The following PTCHD4 variants were observed in gnomAD, a reference collection of about 807,000 sequenced individuals.
PTCHD4 encodes the protein patched domain-containing protein 4.
PTCHD4 carries 33 observed loss-of-function variants against 58.1 expected under a neutral mutation model. The ratio of observed to expected loss-of-function variants is 0.57; its 90% confidence interval spans 0.43 to 0.76. PTCHD4 has a LOEUF of 0.76. Among genes scored for constraint, PTCHD4 ranks in the 30% least tolerant of loss-of-function variants. The pLI, the probability that PTCHD4 is intolerant of heterozygous loss-of-function variation, is 0.00. For synonymous variants in PTCHD4, 478 were observed against 409.6 expected (o/e 1.17, Z -2.02); for missense variants, 1,058 against 1,027.1 (o/e 1.03, Z -0.41).
chr6:47,950,334 C>T lies in PTCHD4; in HGVS notation c.898+58300G>A, dbSNP rs192136606. On this transcript the variant is annotated intron_variant, in intron 4 of 4. Transcript: ENST00000339488. ...ATATAAGCTGGGTGGGAGCAAGACT[C>T]AGGACAGTACTTAAGAGGGCATTAC... 1.4e-4 allele frequency among the ~76,000 whole-genome samples: 22 copies of T among 152,218 alleles called. No individual in the cohort carries two copies. In the East Asian group the frequency reaches 2.9e-3, roughly 20 times the overall value.
rs1460810126 is a variant in PTCHD4, at chr6:48,054,519, T to C, written c.417+13711A>G. 2.6e-5 allele frequency among the ~76,000 whole-genome samples: 4 copies of C among 152,262 alleles called. No homozygotes were observed. The South Asian group carries it at 6.2e-4, about 24-fold the overall frequency. Reference sequence around the variant, plus strand: ...AAATCATACAAGAATTATTTCTCCCTACAGTTTCTATTAGCAAGTCAGAAG... The same window carrying C: ...AAATCATACAAGAATTATTTCTCCCCACAGTTTCTATTAGCAAGTCAGAAG... On this transcript the variant is annotated intron_variant, in intron 3 of 4. Transcript: ENST00000339488.
intron 3 of PTCHD4, among the ~76,000 whole-genome samples, chr6:48,017,102 T>G (rs1256057138): frequency 2.6e-5 from 4 of 152,204 alleles, no homozygotes; most frequent in Non-Finnish European, 5.9e-5. Flanking sequence ...CAAAGGAATA[T>G]TGTTTCTTTT....
intron 4 of PTCHD4, among the ~76,000 whole-genome samples, chr6:47,991,745 G>C (rs1326641418): frequency 5.3e-5 from 8 of 151,920 alleles, no homozygotes; most frequent in Non-Finnish European, 1.5e-5. Context: ...GAAAAGGAAG[G>C]TTTTGATTAA....
intron 4 of PTCHD4, among the ~76,000 whole-genome samples, chr6:47,974,177 T>C (rs1767611528): frequency 6.6e-6 from 1 of 152,208 alleles, no homozygotes; most frequent in African/African-American, 2.4e-5. Flanking sequence ...TTGTTAATTT[T>C]TCCCAGGCTT....
chr6:48,075,480 C>G (rs1765046850), intron 1 of PTCHD4, among the ~76,000 whole-genome samples: 1 of 144,760 alleles, frequency 6.9e-6, no homozygotes, highest in Admixed American at 7.0e-5. Context: ...AATCACTTAA[C>G]TGCTTAACCA....
intron 1 of PTCHD4, among the ~76,000 whole-genome samples, chr6:48,105,312 TC>T (rs1307202889): frequency 6.6e-6 from 1 of 152,052 alleles, no homozygotes; most frequent in African/African-American, 2.4e-5. Flanking sequence ...TCAAAACTGC[TC>T]AACTACATGG....
At chr6:47,961,270 T>G (rs1477917763) in intron 4 of PTCHD4, among the ~76,000 whole-genome samples, 1 of 152,042 alleles carries the variant, frequency 6.6e-6, no homozygotes, top group Non-Finnish European at 1.5e-5. Context: ...TGTATTAATA[T>G]TTAACAAAGT....
Position 47,862,328 on chromosome 6 carries a change from C to T in PTCHD4, c.*15975G>A, listed in dbSNP as rs1763449733. ...AAGATCTACTTACAACCATTTTCAACACATACTAAATTTTTTTTGTAGGCT... is the reference window on the plus strand; with the variant it reads ...AAGATCTACTTACAACCATTTTCAATACATACTAAATTTTTTTTGTAGGCT... On this transcript the variant is annotated 3_prime_UTR_variant, in exon 5 of 5. Coordinates refer to ENST00000339488, the MANE Select transcript of PTCHD4 (RefSeq NM_001384253.1). Among the ~76,000 whole-genome samples, 1 of 151,572 alleles carries T rather than the reference C, an allele frequency of 6.6e-6. No homozygotes were observed. Among genetic ancestry groups the T allele is most frequent in the African/African-American group, 2.4e-5 (1 of 41,336 alleles).
intron 3 of PTCHD4, among the ~76,000 whole-genome samples, chr6:48,043,631 C>T (rs181080919): frequency 7.2e-4 from 110 of 151,968 alleles, no homozygotes; most frequent in African/African-American, 2.5e-3. Context: ...AAAATGTTAT[C>T]GCTCCTTAAA....
At position 47,861,946 on chromosome 6, in the gene PTCHD4, A is replaced by G. The variant is rs1360075; in HGVS notation, c.*16357T>C. Among the ~76,000 whole-genome samples the G allele has an allele frequency of 0.67, 101,343 of 151,636 alleles. 34,352 individuals are homozygous for G. Among genetic ancestry groups the G allele is most frequent in the East Asian group, 0.78 (4,001 of 5,118 alleles). On this transcript the variant is annotated 3_prime_UTR_variant, in exon 5 of 5. Coordinates refer to ENST00000339488, the MANE Select transcript of PTCHD4 (RefSeq NM_001384253.1). ...TTTCCTAGTTCCTAGGTAACTGTCC[A>G]TATTTCCTGTTATCGAAAAAGTTCT...
In PTCHD4 at chr6:48,070,891, C is replaced by T. The variant is rs180821310; in HGVS notation, c.-969-965G>A. On this transcript the variant is annotated intron_variant, in intron 1 of 4. Transcript: ENST00000339488. ...TGTATCTATCGTCCATTTTCTATAC[C>T]TTCGTTATTACATTAAATATACTTG... Among the ~76,000 whole-genome samples the T allele has an allele frequency of 1.9e-4, 29 of 152,242 alleles. No homozygotes were observed. The East Asian group carries it at 4.0e-3, about 21-fold the overall frequency.
At chr6:47,892,533 T>C (rs1764412108) in intron 4 of PTCHD4, among the ~76,000 whole-genome samples, 1 of 152,192 alleles carries the variant, frequency 6.6e-6, no homozygotes, top group South Asian at 2.1e-4. Context: ...AATTGCAAGC[T>C]CTGGAGATCT....
chr6:47,993,100 T>C (rs1768342026), intron 4 of PTCHD4, among the ~76,000 whole-genome samples: 1 of 152,162 alleles, frequency 6.6e-6, no homozygotes, highest in African/African-American at 2.4e-5. Flanking sequence ...CTCTTTTATA[T>C]ATATTTGGAA....
chr6:47,884,152 C>T (rs751499173), intron 4 of PTCHD4, among the ~76,000 whole-genome samples: 2 of 152,064 alleles, frequency 1.3e-5, no homozygotes, highest in African/African-American at 2.4e-5. Context: ...ATCTACCCAT[C>T]TGTTCAGATA....
At chr6:47,972,272 G>A (rs1238412582) in intron 4 of PTCHD4, among the ~76,000 whole-genome samples, 1 of 152,156 alleles carries the variant, frequency 6.6e-6, no homozygotes, top group East Asian at 1.9e-4. Flanking sequence ...CTGAACATTG[G>A]TGTGGGCTCC....
intron 4 of PTCHD4, among the ~76,000 whole-genome samples, chr6:47,896,918 T>C (rs1403631170): frequency 6.6e-6 from 1 of 152,202 alleles, no homozygotes; most frequent in Non-Finnish European, 1.5e-5. Flanking sequence ...GTAAGGAGAC[T>C]GATCTCCTTG....
At chr6:47,944,270 C>A (rs1281539619) in intron 4 of PTCHD4, among the ~76,000 whole-genome samples, 2 of 152,018 alleles carry the variant, frequency 1.3e-5, no homozygotes, top group African/African-American at 4.8e-5. Context: ...CCAAGTGTTG[C>A]AAATCTTATT....
rs1446440858 is a variant in PTCHD4, at chr6:47,870,401, G to A, written c.*7902C>T. Reference sequence around the variant, plus strand: ...ATTTGGAACATAATTTCCCTTGACTGAGGTATGAGATTCATTTAATTATTA... The same window carrying A: ...ATTTGGAACATAATTTCCCTTGACTAAGGTATGAGATTCATTTAATTATTA... On this transcript the variant is annotated 3_prime_UTR_variant, in exon 5 of 5. Transcript: ENST00000339488. Among the ~76,000 whole-genome samples, 1 of 151,672 alleles carries A rather than the reference G, an allele frequency of 6.6e-6. No individual in the cohort carries two copies. Among genetic ancestry groups the A allele is most frequent in the East Asian group, 1.9e-4 (1 of 5,154 alleles).
chr6:47,986,614 G>T (rs1237404503), intron 4 of PTCHD4, among the ~76,000 whole-genome samples: 1 of 152,052 alleles, frequency 6.6e-6, no homozygotes, highest in African/African-American at 2.4e-5. Context: ...CTTTATAAGA[G>T]ATTCTTTATA....
Sources: allele counts gnomAD v4.1 joint callset (sites outside exome capture counted in the v4.1 genomes callset), GRCh38; gene constraint gnomAD v4.1.1; transcripts MANE v1.5; gene names NCBI Gene and HGNC (gene_info 2026-07-23, HGNC 2026-07-21).